UBXN4: variants seen among roughly 807,000 people sequenced by gnomAD.
UBXN4 encodes UBX domain protein 4.
Under a neutral mutation model 66.2 loss-of-function variants are expected in UBXN4, and 35 were observed. The observed-to-expected ratio is 0.53, with a 90% CI of 0.40 to 0.70. The LOEUF (loss-of-function observed/expected upper bound fraction) is 0.70, where lower values mean the gene tolerates loss of function less well. UBXN4 is among the 30% of genes least tolerant of loss of function. The pLI, the probability that UBXN4 is intolerant of heterozygous loss-of-function variation, is 0.00. For missense variants in UBXN4, 533 were observed against 599.8 expected (o/e 0.89, Z 1.16); for synonymous variants, 203 against 204.5 (o/e 0.99, Z 0.06).
intron 5 of UBXN4, among the ~76,000 whole-genome samples, chr2:135,756,560 G>T (rs528391641): frequency 7.9e-5 from 12 of 152,272 alleles, no homozygotes; most frequent in African/African-American, 2.6e-4. Flanking sequence ...TTTTACATCG[G>T]ATGGATCATT....
At chr2:135,777,289 G>C (rs1307595409) in intron 10 of UBXN4, among the ~76,000 whole-genome samples, 1 of 152,060 alleles carries the variant, frequency 6.6e-6, no homozygotes, top group Non-Finnish European at 1.5e-5. Flanking sequence ...ATATGTATCA[G>C]TATTTTTTTC....
intron 5 of UBXN4, among the ~76,000 whole-genome samples, chr2:135,756,400 T>G (rs770224266): frequency 1.4e-4 from 21 of 152,226 alleles, no homozygotes; most frequent in Non-Finnish European, 2.9e-4. Flanking sequence ...GTTCTGTTGT[T>G]GAACAGCTCT....
At chr2:135,757,619 T>C (rs1337206761) in intron 5 of UBXN4, among the ~76,000 whole-genome samples, 3 of 152,206 alleles carry the variant, frequency 2.0e-5, no homozygotes, top group African/African-American at 4.8e-5. Context: ...AATGCTGGAT[T>C]GTATCTTGTA....
At chr2:135,778,273 T>A (rs2077430309) in intron 10 of UBXN4, among the ~76,000 whole-genome samples, 1 of 150,028 alleles carries the variant, frequency 6.7e-6, no homozygotes, top group African/African-American at 2.5e-5. Flanking sequence ...CAGTGAGGGG[T>A]ATGTGTGATC....
At chr2:135,764,469 A>G (rs1291340533) in intron 6 of UBXN4, among the ~76,000 whole-genome samples, 1 of 152,094 alleles carries the variant, frequency 6.6e-6, no homozygotes, top group Non-Finnish European at 1.5e-5. Flanking sequence ...TGTGAGATCT[A>G]AGTTTTTATT....
chr2:135,747,967 G>T, intron 1 of UBXN4: 1 of 344,698 alleles, frequency 2.9e-6, no homozygotes, highest in South Asian at 2.8e-5. Flanking sequence ...GCCCAAATAG[G>T]CACTGCACCG....
intron 6 of UBXN4, among the ~76,000 whole-genome samples, chr2:135,765,486 C>T (rs1280964744): frequency 6.6e-6 from 1 of 152,090 alleles, no homozygotes; most frequent in Non-Finnish European, 1.5e-5. Context: ...GCTGGAATTA[C>T]GGGCATGAGC....
chr2:135,754,765 C>T lies in UBXN4; in HGVS notation c.333+488C>T, dbSNP rs75984311. 6.9e-3 allele frequency among the ~76,000 whole-genome samples: 1,055 copies of T among 152,128 alleles called. 10 individuals are homozygous for T. Among genetic ancestry groups the T allele is most frequent in the African/African-American group, 0.024 (1,000 of 41,494 alleles). ...AGGTGCCAGTAGCCAGTACCTAATA[C>T]TTGACTGACTTCTTTACCTTTCTTT... On this transcript the variant is annotated intron_variant, in intron 4 of 12. Transcript: ENST00000272638.
intron 8 of UBXN4, among the ~76,000 whole-genome samples, chr2:135,771,306 A>G (rs1040886981): frequency 1.3e-5 from 2 of 152,074 alleles, no homozygotes; most frequent in Non-Finnish European, 2.9e-5. Flanking sequence ...GTGAAACGCC[A>G]TCTCTACTAA....
At chr2:135,778,603 A>G (rs1354228207) in intron 10 of UBXN4, among the ~76,000 whole-genome samples, 1 of 152,250 alleles carries the variant, frequency 6.6e-6, no homozygotes, top group Non-Finnish European at 1.5e-5. Flanking sequence ...TTCATGAGAC[A>G]TTAAGTTTGC....
At chr2:135,776,976 T>TA (rs1172417763) in intron 10 of UBXN4, among the ~76,000 whole-genome samples, 2 of 152,340 alleles carry the variant, frequency 1.3e-5, no homozygotes, top group Non-Finnish European at 2.9e-5. Flanking sequence ...TGTGAGGGAA[T>TA]TGTCCCACTC....
intron 5 of UBXN4, among the ~76,000 whole-genome samples, chr2:135,759,049 C>T (rs1374577589): frequency 3.3e-5 from 5 of 152,200 alleles, no homozygotes; most frequent in African/African-American, 7.2e-5. Flanking sequence ...TAAGCCACTG[C>T]GCCCAGCCAA....
At chr2:135,760,593 C>G (rs1323933656) in intron 5 of UBXN4, among the ~76,000 whole-genome samples, 1 of 152,164 alleles carries the variant, frequency 6.6e-6, no homozygotes, top group Non-Finnish European at 1.5e-5. Flanking sequence ...TACTCTTATT[C>G]AACACTTTTC....
At position 135,754,185 on chromosome 2, in the gene UBXN4, T is replaced by G. The variant is rs1242105211; in HGVS notation, c.241T>G (p.Phe81Val). ...IYPVVCVPSS[F>V]FIGDSGIPLE... ...TCCTGTAGTGTGTGTTCCATCCAGT[T>G]TCTTTATTGGAGACAGTGGAATTCC... Residue 81 changes from phenylalanine (F) to valine (V), a missense_variant, in exon 4 of 13, where the codon TTC (phenylalanine) becomes GTC (valine). Transcript: ENST00000272638. 2.0e-5 allele frequency: 32 copies of G among 1,613,904 alleles called. No homozygotes were observed. Among genetic ancestry groups the G allele is most frequent in the Non-Finnish European group, 2.5e-5 (29 of 1,179,890 alleles).
At chr2:135,771,076 GTTC>G (rs1334102089) in intron 8 of UBXN4, among the ~76,000 whole-genome samples, 4 of 152,172 alleles carry the variant, frequency 2.6e-5, no homozygotes, top group Non-Finnish European at 4.4e-5. Context: ...GTACCTAGTA[GTTC>G]TTCTGTAGTC....
rs529829036 is a variant in UBXN4, at chr2:135,782,756, G to A, written c.1396G>A (p.Val466Met). The change falls in exon 13 of 13, where the codon GTG becomes ATG. Residue 466 changes from valine to methionine, a missense_variant. Val to Met is a conservative substitution (Grantham distance 21). Around this residue, in one of 2 missense-constraint regions of UBXN4, gnomAD observed 529 missense variants for 580.1 expected, o/e 0.91. Transcript: ENST00000272638. ...SSSKSEKREP[V>M]RKRVLEKRGD... ...CCCTCTTTTTCGTATCAGGGAACCAGTGAGAAAAAGAGTGCTGGAAAAACG... is the reference window on the plus strand; with the variant it reads ...CCCTCTTTTTCGTATCAGGGAACCAATGAGAAAAAGAGTGCTGGAAAAACG... The A allele has an allele frequency of 3.1e-6, 5 of 1,613,102 alleles. No individual in the cohort carries two copies. The South Asian group carries it at 3.3e-5, about 11-fold the overall frequency.
intron 1 of UBXN4, chr2:135,747,625 G>T (rs2077216751): frequency 2.2e-6 from 1 of 456,370 alleles, no homozygotes; most frequent in Non-Finnish European, 4.4e-6. Flanking sequence ...ATAAAGGACA[G>T]ATATCAAACT....
At chr2:135,753,000 G>T (rs930306110) in intron 2 of UBXN4, among the ~76,000 whole-genome samples, 5 of 144,248 alleles carry the variant, frequency 3.5e-5, no homozygotes, top group Admixed American at 7.2e-5. Flanking sequence ...TTATACCTGT[G>T]AGCTACCACG....
intron 1 of UBXN4, among the ~76,000 whole-genome samples, chr2:135,743,928 A>G (rs1158912965): frequency 6.6e-6 from 1 of 152,230 alleles, no homozygotes; most frequent in Non-Finnish European, 1.5e-5. Flanking sequence ...TATTTAGAAT[A>G]TAATGACTCT....
Sources: allele counts gnomAD v4.1 joint callset (sites outside exome capture counted in the v4.1 genomes callset), GRCh38; gene constraint gnomAD v4.1.1; regional missense constraint gnomAD v4.1.1; transcripts MANE v1.5; gene names NCBI Gene and HGNC (gene_info 2026-07-23, HGNC 2026-07-21).